Variants in TAF3 observed in about 807,000 individuals in gnomAD.
TAF3 encodes the protein transcription initiation factor TFIID subunit 3.
A neutral mutation model predicts 80.6 loss-of-function variants in TAF3; 7 were observed. That is an observed-to-expected ratio of 0.09 (90% CI 0.05 to 0.16). The LOEUF (loss-of-function observed/expected upper bound fraction) is 0.16, where lower values mean the gene tolerates loss of function less well. Among genes scored for constraint, TAF3 ranks in the 10% least tolerant of loss-of-function variants. TAF3 has a pLI of 1.00. For missense variants in TAF3, 921 were observed against 1,140.2 expected (o/e 0.81, Z 2.77); for synonymous variants, 444 against 446.1 (o/e 1.00, Z 0.06).
At chr10:7,918,582 GTCCTCCTATTGCTGATATAGAAGCGGA>G (rs1220550333) in intron 2 of TAF3, among the ~76,000 whole-genome samples, 3 of 152,138 alleles carry the variant, frequency 2.0e-5, no homozygotes, top group Non-Finnish European at 4.4e-5. Context: ...TTCTGTGCTT[GTCCTCCTATTGCTGATATAGAAGCGGA>G]TGCACCAGGG....
At chr10:7,887,232 TA>T (rs528310249) in intron 2 of TAF3, among the ~76,000 whole-genome samples, 349 of 139,288 alleles carry the variant, frequency 2.5e-3, no homozygotes, top group Admixed American at 3.1e-3. Context: ...ACTCTGTATT[TA>T]AAAAAAAAAA....
rs60883736 is a variant in TAF3, at chr10:7,884,507, C to A, written c.409+59947C>A. Among the ~76,000 whole-genome samples, 433 of 151,680 alleles carry A rather than the reference C, an allele frequency of 2.9e-3. 3 individuals carry two copies. The highest frequency in any genetic ancestry group is 0.01 in the African/African-American group (418 of 41,404). ...GTTCAGGCGATTCTCCTGTCTCAGC[C>A]TCCCGAGTAGCTAGGATTATAGGCG... On this transcript the variant is annotated intron_variant, in intron 2 of 6. Coordinates refer to ENST00000344293, the MANE Select transcript of TAF3 (RefSeq NM_031923.4).
At chr10:7,854,369 A>G (rs1837058086) in intron 2 of TAF3, among the ~76,000 whole-genome samples, 1 of 152,230 alleles carries the variant, frequency 6.6e-6, no homozygotes. Context: ...TTGCCCCAAA[A>G]CAATTTCTAG....
At position 7,818,662 on chromosome 10, in the gene TAF3, G is replaced by A; in HGVS notation, c.-48G>A. The A allele has an allele frequency of 1.3e-6, 2 of 1,582,688 alleles. No individual in the cohort carries two copies. The highest frequency in any genetic ancestry group is 2.3e-5 in the East Asian group (1 of 42,938). ...GACCCTGCTAAGGTCTGGCGGCGGG[G>A]CTGGAGAGCAGTGGCAGCAAGGGCT... On this transcript the variant is annotated 5_prime_UTR_variant, in exon 1 of 7. Transcript: ENST00000344293.
intron 2 of TAF3, among the ~76,000 whole-genome samples, chr10:7,948,004 TAAAG>T (rs35850702): frequency 0.3 from 45,884 of 151,760 alleles, 7,081 homozygotes; most frequent in African/African-American, 0.37. Flanking sequence ...TACCTTTTAT[TAAAG>T]AAAGTTTAAA....
intron 2 of TAF3, among the ~76,000 whole-genome samples, chr10:7,950,487 C>T (rs1339303531): frequency 2.0e-5 from 3 of 152,184 alleles, no homozygotes; most frequent in Admixed American, 2.0e-4. Context: ...CAGATACAGT[C>T]ATAGTGTTTT....
intron 4 of TAF3, among the ~76,000 whole-genome samples, chr10:7,999,596 A>G (rs6602280): frequency 0.1 from 15,491 of 151,762 alleles, 878 homozygotes; most frequent in African/African-American, 0.16. Context: ...AGCTGGGATT[A>G]TAAGTGGATA....
chr10:7,867,905 A>T (rs995457457), intron 2 of TAF3, among the ~76,000 whole-genome samples: 1 of 152,222 alleles, frequency 6.6e-6, no homozygotes, highest in Non-Finnish European at 1.5e-5. Context: ...CGTATTTCGT[A>T]TATTATATGT....
chr10:7,873,260 T>C (rs938015389), intron 2 of TAF3, among the ~76,000 whole-genome samples: 1 of 152,160 alleles, frequency 6.6e-6, no homozygotes, highest in Non-Finnish European at 1.5e-5. Flanking sequence ...TGAAATACTC[T>C]AGCTAAAAAG....
intron 1 of TAF3, among the ~76,000 whole-genome samples, chr10:7,823,336 A>G (rs1836708140): frequency 6.9e-6 from 1 of 144,348 alleles, no homozygotes; most frequent in Non-Finnish European, 1.5e-5. Context: ...TTGATGATTA[A>G]AAAAAAAAAA....
chr10:7,891,208 A>G (rs1248391591), intron 2 of TAF3, among the ~76,000 whole-genome samples: 3 of 152,156 alleles, frequency 2.0e-5, no homozygotes, highest in African/African-American at 4.8e-5. Context: ...TGATTTTACA[A>G]TTTACCCATT....
At chr10:7,918,173 C>T (rs964545030) in intron 2 of TAF3, among the ~76,000 whole-genome samples, 4 of 151,932 alleles carry the variant, frequency 2.6e-5, no homozygotes, top group Non-Finnish European at 4.4e-5. Context: ...TAATGAAATG[C>T]GTAAAACAAG....
chr10:8,009,287 C>T lies in TAF3; in HGVS notation c.2525C>T (p.Ala842Val), dbSNP rs199942319. ...GCCGCCTCCGGGGCCAGTGCCAAAG[C>T]CCCCGTGCGCAGCGTGGTGACTGAG... ...GPAASGASAK[A>V]PVRSVVTETV... Residue 842 changes from alanine to valine, a missense_variant, in exon 5 of 7, where the codon GCC (alanine) becomes GTC (valine). Ala to Val is a moderately conservative substitution (Grantham distance 64). Transcript: ENST00000344293. The surrounding 1 kb of genome is among the most constrained non-coding windows in gnomAD (Gnocchi z 4.1). 1,027 of 1,583,812 alleles carry T rather than the reference C, an allele frequency of 6.5e-4. 2 individuals are homozygous for T. Among genetic ancestry groups the T allele is most frequent in the Non-Finnish European group, 8.2e-4 (954 of 1,167,584 alleles).
At chr10:7,865,609 G>A (rs4749316) in intron 2 of TAF3, among the ~76,000 whole-genome samples, 81,653 of 152,104 alleles carry the variant, frequency 0.54, 23,031 homozygotes, top group Admixed American at 0.68. Flanking sequence ...CCTGCGTGTC[G>A]CTGGCTTTAG....
At chr10:7,928,778 G>A (rs1837840384) in intron 2 of TAF3, among the ~76,000 whole-genome samples, 1 of 152,130 alleles carries the variant, frequency 6.6e-6, no homozygotes, top group African/African-American at 2.4e-5. Context: ...ACTTGTAGCT[G>A]TCATTTAGCA....
Position 8,009,042 on chromosome 10 carries a change from T to C in TAF3, c.2316-36T>C. 6.3e-7 allele frequency: 1 copy of C among 1,575,782 alleles called. No individual in the cohort carries two copies. On this transcript the variant is annotated intron_variant, in intron 4 of 6. Transcript: ENST00000344293. This position sits in a 1 kb window ranked among gnomAD's most constrained non-coding sequence, Gnocchi z 4.1. ...CACGGGTTTGGTTCGATGATGATCCTGTTTTGACTTTTACCTTCTCTTCTT... is the reference window on the plus strand; with the variant it reads ...CACGGGTTTGGTTCGATGATGATCCCGTTTTGACTTTTACCTTCTCTTCTT...
chr10:7,920,425 G>A (rs1395861681), intron 2 of TAF3, among the ~76,000 whole-genome samples: 4 of 148,546 alleles, frequency 2.7e-5, no homozygotes, highest in African/African-American at 5.0e-5. Context: ...TTTCAATCTC[G>A]TTCCTGAAGT....
At position 7,964,065 on chromosome 10, in the gene TAF3, A is replaced by G. The variant is rs754434967; in HGVS notation, c.555A>G (p.Glu185=). 5.6e-6 allele frequency: 9 copies of G among 1,614,024 alleles called. No homozygotes were observed. The Admixed American group carries it at 1.5e-4, about 27-fold the overall frequency. The change falls in exon 3 of 7, where the codon GAA becomes GAG. Residue 185 remains glutamate, a synonymous_variant. Transcript: ENST00000344293. This position sits in a 1 kb window ranked among gnomAD's most constrained non-coding sequence, Gnocchi z 4.1. ...FLGKRPLDSP[E]AEELPAMKRP... ...GCAAGAGACCACTGGATAGTCCTGA[A>G]GCTGAAGAACTGCCAGCCATGAAGC...
rs777687548 is a variant in TAF3 at position 7,964,199 on chromosome 10, C to T, written c.689C>T (p.Pro230Leu). 1.2e-6 allele frequency: 2 copies of T among 1,614,200 alleles called. No homozygotes were observed. The highest frequency in any genetic ancestry group is 1.1e-5 in the South Asian group (1 of 91,078). Reference sequence around the variant, plus strand: ...CAAAAGATCCCACCAATGCTTTCTCCAGTCCATGTACAGGACAGTACAGAC... The same window carrying T: ...CAAAAGATCCCACCAATGCTTTCTCTAGTCCATGTACAGGACAGTACAGAC... ...NTQKIPPMLS[P>L]VHVQDSTDLA... The change falls in exon 3 of 7, where the codon CCA (proline) becomes CTA (leucine). Residue 230 changes from proline (P) to leucine (L), a missense_variant. Pro to Leu is a moderately conservative substitution (Grantham distance 98). Transcript: ENST00000344293. The surrounding 1 kb of genome is among the most constrained non-coding windows in gnomAD (Gnocchi z 4.1).
Sources: allele counts gnomAD v4.1 joint callset (sites outside exome capture counted in the v4.1 genomes callset), GRCh38; gene constraint gnomAD v4.1.1; non-coding constraint Gnocchi (gnomAD v3.1); transcripts MANE v1.5; gene names NCBI Gene and HGNC (gene_info 2026-07-23, HGNC 2026-07-21).